Variants in ATXN7L1 observed in about 807,000 individuals in gnomAD.
ATXN7L1 encodes the protein ataxin 7 like 1.
In ATXN7L1, 15 loss-of-function variants were observed where a neutral mutation model predicts 70.8. The ratio of observed to expected loss-of-function variants is 0.21; its 90% confidence interval spans 0.14 to 0.33. The LOEUF (loss-of-function observed/expected upper bound fraction) is 0.33, where lower values mean the gene tolerates loss of function less well. Ranked by LOEUF, ATXN7L1 falls within the 10% of genes least tolerant of loss-of-function variation. ATXN7L1 has a pLI of 1.00. For synonymous variants in ATXN7L1, 440 were observed against 445.1 expected, an observed-to-expected ratio of 0.99 and a Z score of 0.14; for missense variants, 975 against 1,097.1, an observed-to-expected ratio of 0.89 and a Z score of 1.57.
chr7:105,850,732 A>G (rs541188212), intron 2 of ATXN7L1, among the ~76,000 whole-genome samples: 1 of 152,098 alleles, frequency 6.6e-6, no homozygotes, highest in Non-Finnish European at 1.5e-5. Flanking sequence ...GCCTGTTTGG[A>G]AAGTGATCCT....
intron 2 of ATXN7L1, among the ~76,000 whole-genome samples, chr7:105,837,888 G>A (rs1180681830): frequency 6.6e-6 from 1 of 152,092 alleles, no homozygotes; most frequent in South Asian, 2.1e-4. Context: ...TGCCTCCCTC[G>A]TGAATGAACA....
chr7:105,714,387 T>A (rs920702320), intron 3 of ATXN7L1, among the ~76,000 whole-genome samples: 2 of 152,234 alleles, frequency 1.3e-5, no homozygotes, highest in African/African-American at 4.8e-5. Context: ...AATCTGTGCT[T>A]TACAAGCTCC....
chr7:105,846,350 A>G (rs1814037782), intron 2 of ATXN7L1, among the ~76,000 whole-genome samples: 1 of 152,186 alleles, frequency 6.6e-6, no homozygotes, highest in Non-Finnish European at 1.5e-5. Context: ...AGGTGCCATC[A>G]AGCACATTAA....
At chr7:105,835,804 G>A (rs895638236) in intron 2 of ATXN7L1, among the ~76,000 whole-genome samples, 2 of 152,082 alleles carry the variant, frequency 1.3e-5, no homozygotes, top group African/African-American at 4.8e-5. Flanking sequence ...AAATACTGAA[G>A]GGACTTTCAC....
chr7:105,664,575 G>GTATATATATATATATATATATATATA lies in ATXN7L1; in HGVS notation c.578+490_578+491insTATATATATATATATATATATATATA, dbSNP rs1554416470. On this transcript the variant is annotated intron_variant, in intron 4 of 11. Coordinates refer to ENST00000419735, the MANE Select transcript of ATXN7L1 (RefSeq NM_020725.2). ...ACATATATATATTATGTATGTGTGT[G>GTATATATATATATATATATATATATA]TATATATATATATTTGAGACAGAGT... 5.5e-3 allele frequency among the ~76,000 whole-genome samples: 728 copies of GTATATATATATATATATATATATATA among 131,344 alleles called. 11 individuals are homozygous for GTATATATATATATATATATATATATA. The highest frequency in any genetic ancestry group is 0.014 in the East Asian group (52 of 3,724). 86.2% of individuals were successfully genotyped at this position (131,344 alleles called of 152,430 possible).
chr7:105,615,007 C>T (rs1793661691), intron 9 of ATXN7L1, among the ~76,000 whole-genome samples, 191 bp from the exon 10 acceptor site: 1 of 152,046 alleles, frequency 6.6e-6, no homozygotes, highest in African/African-American at 2.4e-5. Context: ...ATTGCAACAT[C>T]CAGCAACCTA....
At chr7:105,848,166 T>C (rs1678511968) in intron 2 of ATXN7L1, among the ~76,000 whole-genome samples, 1 of 152,220 alleles carries the variant, frequency 6.6e-6, no homozygotes, top group Non-Finnish European at 1.5e-5. Flanking sequence ...TTAGTAATCA[T>C]AAGAATGAAA....
chr7:105,852,667 G>A (rs961337544), intron 2 of ATXN7L1, among the ~76,000 whole-genome samples: 3 of 151,652 alleles, frequency 2.0e-5, no homozygotes, highest in Non-Finnish European at 4.4e-5. Flanking sequence ...GGCTTATCTC[G>A]GAAGGACTGA....
intron 2 of ATXN7L1, among the ~76,000 whole-genome samples, chr7:105,800,953 G>A (rs776369926): frequency 6.6e-6 from 1 of 152,172 alleles, no homozygotes; most frequent in Non-Finnish European, 1.5e-5. Context: ...AGAGGCAGCC[G>A]TGTTTTGCTT....
intron 3 of ATXN7L1, chr7:105,679,108 A>G (rs1490580200): frequency 5.1e-6 from 5 of 986,002 alleles, no homozygotes; most frequent in Non-Finnish European, 4.8e-6. Context: ...ACGCTGGGCA[A>G]CGCGACTCGT....
rs17281649 is a variant in ATXN7L1, at chr7:105,714,466, G to C, written c.356-49178C>G. Among the ~76,000 whole-genome samples the C allele has an allele frequency of 8.8e-3, 1,337 of 152,270 alleles. 14 individuals carry two copies. The highest frequency in any genetic ancestry group is 0.041 in the Middle Eastern group (12 of 294). ...ATCCCTGAGGGAAGCTTATTTCCCA[G>C]GCCAGGCCAACAATAATAAGACCAT... is the stretch of plus-strand genomic sequence containing the variant. On this transcript the variant is annotated intron_variant, in intron 3 of 11. Coordinates refer to ENST00000419735, the MANE Select transcript of ATXN7L1 (RefSeq NM_020725.2).
chr7:105,613,533 A>G lies in ATXN7L1; in HGVS notation c.2472+329T>C, dbSNP rs553185807. The G allele has an allele frequency of 1.0e-5, 13 of 1,253,462 alleles. No homozygotes were observed. The East Asian group carries it at 4.9e-4, about 47-fold the overall frequency. 77.6% of individuals were successfully genotyped at this position (1,253,462 alleles called of 1,614,324 possible). Reference sequence around the variant, plus strand: ...GAACCTCAAAAGATAAAACTGACCGATGTGGAGTGGGGAACTCAGAATCTC... The same window carrying G: ...GAACCTCAAAAGATAAAACTGACCGGTGTGGAGTGGGGAACTCAGAATCTC... On this transcript the variant is annotated intron_variant, in intron 10 of 11. Coordinates refer to ENST00000419735, the MANE Select transcript of ATXN7L1 (RefSeq NM_020725.2).
At chr7:105,795,634 G>A (rs1298902061) in intron 2 of ATXN7L1, among the ~76,000 whole-genome samples, 1 of 152,122 alleles carries the variant, frequency 6.6e-6, no homozygotes, top group East Asian at 1.9e-4. Context: ...CCTTTTGCAA[G>A]CAGGAATTCC....
At chr7:105,825,911 T>G (rs117940907) in intron 2 of ATXN7L1, among the ~76,000 whole-genome samples, 1,979 of 152,132 alleles carry the variant, frequency 0.013, 19 homozygotes, top group Middle Eastern at 0.061. Context: ...ATACCTTCAC[T>G]GAGAATGGAG....
chr7:105,784,821 C>T (rs1367443951), intron 3 of ATXN7L1, among the ~76,000 whole-genome samples: 1 of 152,190 alleles, frequency 6.6e-6, no homozygotes, highest in Middle Eastern at 3.2e-3. Context: ...TGCTTTGTCT[C>T]ATTCCAAAGC....
intron 2 of ATXN7L1, among the ~76,000 whole-genome samples, chr7:105,802,630 G>C (rs1017325904): frequency 6.6e-6 from 1 of 152,178 alleles, no homozygotes; most frequent in African/African-American, 2.4e-5. Flanking sequence ...GCCTGAGGAA[G>C]TTTTTTCATA....
chr7:105,729,410 G>A (rs903434991), intron 3 of ATXN7L1, among the ~76,000 whole-genome samples: 1 of 149,720 alleles, frequency 6.7e-6, no homozygotes, highest in South Asian at 2.1e-4. Flanking sequence ...CTTAAGGCAT[G>A]GAAGCATAAA....
At chr7:105,703,240 G>A (rs1343848632) in intron 3 of ATXN7L1, among the ~76,000 whole-genome samples, 1 of 151,848 alleles carries the variant, frequency 6.6e-6, no homozygotes, top group African/African-American at 2.4e-5. Context: ...AGGAGGCAGA[G>A]GTTGCGGTGA....
intron 3 of ATXN7L1, among the ~76,000 whole-genome samples, chr7:105,752,344 C>T (rs1028290943): frequency 3.9e-5 from 6 of 152,174 alleles, no homozygotes; most frequent in African/African-American, 1.4e-4. Flanking sequence ...GTTGCAGGCC[C>T]GGCTGGCAAA....
Sources: gnomAD v4.1 joint callset for allele counts (sites outside exome capture counted in the v4.1 genomes callset) on GRCh38, gnomAD v4.1.1 for gene constraint, MANE v1.5 for transcripts, NCBI Gene and HGNC (gene_info 2026-07-23, HGNC 2026-07-21) for gene names.